Variants in VPS8 observed in about 807,000 individuals in gnomAD.
VPS8 encodes the protein VPS8 subunit of CORVET complex.
A neutral mutation model predicts 216.4 loss-of-function variants in VPS8; 129 were observed. That is an observed-to-expected ratio of 0.60 (90% confidence interval 0.52 to 0.69). The LOEUF is 0.69. Ranked by LOEUF, VPS8 falls within the 30% of genes least tolerant of loss-of-function variation. The probability of loss-of-function intolerance (pLI) is 0.00; values close to 1 mark genes in which losing one functional copy is unlikely to be tolerated. For missense variants in VPS8, 1,531 were observed against 1,683.5 expected (o/e 0.91, Z 1.59); for synonymous variants, 571 against 565.4 (o/e 1.01, Z -0.14).
At chr3:184,941,211 T>C (rs1239980655) in intron 36 of VPS8, among the ~76,000 whole-genome samples, 1 of 152,232 alleles carries the variant, frequency 6.6e-6, no homozygotes, top group Admixed American at 6.5e-5. Flanking sequence ...CCAGTAATTT[T>C]GTTGGTTGTA....
intron 7 of VPS8, among the ~76,000 whole-genome samples, chr3:184,841,839 G>A (rs1011843950): frequency 2.6e-5 from 4 of 152,136 alleles, no homozygotes; most frequent in African/African-American, 9.7e-5. Context: ...GTTCAGCCAA[G>A]TTCATTGAGG....
intron 22 of VPS8, among the ~76,000 whole-genome samples, chr3:184,886,664 C>T (rs1466163642): frequency 2.0e-5 from 3 of 152,000 alleles, no homozygotes; most frequent in African/African-American, 7.3e-5. Flanking sequence ...ACTGCAACCT[C>T]CGCCTCCCGG....
At chr3:184,847,533 C>G (rs527459265) in intron 8 of VPS8, among the ~76,000 whole-genome samples, 1 of 152,296 alleles carries the variant, frequency 6.6e-6, no homozygotes, top group East Asian at 1.9e-4. Flanking sequence ...GGAGGTAAGA[C>G]ATACCCCAAA....
At chr3:184,973,227 A>G (rs1224446399) in intron 40 of VPS8, among the ~76,000 whole-genome samples, 1 of 152,194 alleles carries the variant, frequency 6.6e-6, no homozygotes, top group Non-Finnish European at 1.5e-5. Context: ...AAATATATTC[A>G]TCCTGTCACT....
chr3:185,033,927 C>G (rs1561212117), intron 46 of VPS8, among the ~76,000 whole-genome samples: 1 of 152,030 alleles, frequency 6.6e-6, no homozygotes, highest in East Asian at 1.9e-4. Context: ...ATTTGTATAT[C>G]TTTTTTCAAA....
At chr3:184,836,873 T>G (rs1293448771) in intron 5 of VPS8, among the ~76,000 whole-genome samples, 1 of 152,210 alleles carries the variant, frequency 6.6e-6, no homozygotes, top group Non-Finnish European at 1.5e-5. Flanking sequence ...ATTTTTTAAT[T>G]TGGGATCCTT....
At chr3:184,996,933 A>G (rs1752691404) in intron 44 of VPS8, among the ~76,000 whole-genome samples, 1 of 152,196 alleles carries the variant, frequency 6.6e-6, no homozygotes, top group South Asian at 2.1e-4. Context: ...GGTCTGAGCA[A>G]TTGGGTAAAC....
rs371866008 is a variant in VPS8 at position 184,915,403 on chromosome 3, G to A, written c.2311G>A (p.Glu771Lys). 9 of 1,613,794 alleles carry A rather than the reference G, an allele frequency of 5.6e-6. No homozygotes were observed. The highest frequency in any genetic ancestry group is 7.6e-6 in the Non-Finnish European group (9 of 1,179,852). Reference sequence around the variant, plus strand: ...GCATTCAGCAGAGGCTTCTCCTGAGGAAGAAATCTATCCTTACATTCGGAC... The same window carrying A: ...GCATTCAGCAGAGGCTTCTCCTGAGAAAGAAATCTATCCTTACATTCGGAC... The part of the protein sequence containing the change: ...RLHSAEASPE[E>K]EIYPYIRTLL... Residue 771 changes from glutamate (E) to lysine (K), a missense_variant, in exon 28 of 48, where the codon GAA (glutamate) becomes AAA (lysine). Physicochemically the swap from Glu to Lys is moderately conservative, Grantham distance 56 (BLOSUM62 1). Around this residue, in one of 3 missense-constraint regions of VPS8, gnomAD observed 1,318 missense variants for 1,468.4 expected, o/e 0.90. Coordinates refer to ENST00000625842, the MANE Select transcript of VPS8 (RefSeq NM_001009921.3).
At chr3:184,987,072 C>G (rs1483727381) in intron 42 of VPS8, among the ~76,000 whole-genome samples, 1 of 152,024 alleles carries the variant, frequency 6.6e-6, no homozygotes, top group Non-Finnish European at 1.5e-5. Context: ...TGTGCTCCAC[C>G]TATTCATCCT....
intron 22 of VPS8, among the ~76,000 whole-genome samples, chr3:184,893,039 A>G (rs1042511751): frequency 3.9e-5 from 6 of 152,230 alleles, no homozygotes; most frequent in African/African-American, 1.4e-4. Flanking sequence ...ATTGATTCAA[A>G]TGAAACTGAC....
intron 28 of VPS8, among the ~76,000 whole-genome samples, chr3:184,917,348 G>T (rs988579700): frequency 4.6e-4 from 70 of 152,282 alleles, no homozygotes; most frequent in African/African-American, 1.6e-3. Flanking sequence ...AATCCAGAGA[G>T]GTAGGCAGAT....
At chr3:184,828,882 T>C (rs1465212928) in intron 3 of VPS8, among the ~76,000 whole-genome samples, 1 of 152,232 alleles carries the variant, frequency 6.6e-6, no homozygotes, top group Non-Finnish European at 1.5e-5. Context: ...GAAGCTCATC[T>C]TGTGTCCCTT....
chr3:184,886,415 C>G (rs1731235264), intron 22 of VPS8, among the ~76,000 whole-genome samples: 1 of 151,702 alleles, frequency 6.6e-6, no homozygotes, highest in African/African-American at 2.4e-5. Context: ...AAGAGCAATA[C>G]TACTTAGGGG....
chr3:184,876,665 C>T (rs1215231344), intron 21 of VPS8, among the ~76,000 whole-genome samples: 1 of 152,168 alleles, frequency 6.6e-6, no homozygotes, highest in Non-Finnish European at 1.5e-5. Context: ...AGTGGATCCA[C>T]CATGCACCTA....
At chr3:184,863,674 G>A (rs1041654996) in intron 16 of VPS8, among the ~76,000 whole-genome samples, 3 of 152,128 alleles carry the variant, frequency 2.0e-5, no homozygotes, top group Non-Finnish European at 4.4e-5. Flanking sequence ...ATGGCCTTAA[G>A]CAATTTCCAC....
intron 22 of VPS8, among the ~76,000 whole-genome samples, chr3:184,890,500 G>A (rs541500077): frequency 2.0e-5 from 3 of 152,066 alleles, no homozygotes; most frequent in Admixed American, 1.3e-4. Flanking sequence ...TACATGCTCT[G>A]AAATTAATTT....
intron 34 of VPS8, among the ~76,000 whole-genome samples, chr3:184,932,831 A>G (rs1255780677): frequency 6.6e-6 from 1 of 152,232 alleles, no homozygotes; most frequent in Non-Finnish European, 1.5e-5. Flanking sequence ...ACATTTTATA[A>G]GTATATCACA....
intron 21 of VPS8, among the ~76,000 whole-genome samples, chr3:184,871,760 C>T: frequency 6.6e-6 from 1 of 152,110 alleles, no homozygotes; most frequent in East Asian, 1.9e-4. Flanking sequence ...CATTAATGGA[C>T]ATATTTAGAA....
At chr3:184,983,911 G>A (rs745562750) in intron 42 of VPS8, among the ~76,000 whole-genome samples, 15 of 151,224 alleles carry the variant, frequency 9.9e-5, no homozygotes, top group South Asian at 2.1e-4. Context: ...TTGGCCGGGC[G>A]TGGTGGCTCA....
Sources: allele counts gnomAD v4.1 joint callset (sites outside exome capture counted in the v4.1 genomes callset), GRCh38; gene constraint gnomAD v4.1.1; regional missense constraint gnomAD v4.1.1; transcripts MANE v1.5; gene names NCBI Gene and HGNC (gene_info 2026-07-23, HGNC 2026-07-21).